Variants in CA10 observed in about 807,000 individuals in gnomAD.
CA10 encodes the protein carbonic anhydrase 10 (inactive).
In CA10, 14 loss-of-function variants were observed where a neutral mutation model predicts 44.2. The observed-to-expected ratio is 0.32, with a 90% CI of 0.21 to 0.50. The LOEUF (loss-of-function observed/expected upper bound fraction) is 0.50. Ranked by LOEUF, CA10 falls within the 20% of genes least tolerant of loss-of-function variation. The probability of loss-of-function intolerance (pLI) is 0.99; values close to 1 mark genes in which losing one functional copy is unlikely to be tolerated. For missense variants in CA10, 350 were observed against 409.7 expected (o/e 0.85, Z 1.26); for synonymous variants, 159 against 141.6 (o/e 1.12, Z -0.87).
chr17:52,099,921 T>C (rs146434675), intron 1 of CA10, among the ~76,000 whole-genome samples: 12 of 152,320 alleles, frequency 7.9e-5, no homozygotes, highest in African/African-American at 2.2e-4. Context: ...CCTCTAGATT[T>C]GGCAATACAT....
chr17:52,050,306 T>C (rs922400866), intron 2 of CA10, among the ~76,000 whole-genome samples: 1 of 152,036 alleles, frequency 6.6e-6, no homozygotes, highest in Admixed American at 6.6e-5. Context: ...CTCCAAAACA[T>C]TTCCAGAGTC....
At chr17:51,887,881 T>G (rs1219370530) in intron 3 of CA10, among the ~76,000 whole-genome samples, 3 of 147,824 alleles carry the variant, frequency 2.0e-5, no homozygotes, top group Non-Finnish European at 4.5e-5. Flanking sequence ...AAAAAATTAG[T>G]CGGGTGTGGT....
At chr17:51,799,798 A>G (rs1906855703) in intron 3 of CA10, among the ~76,000 whole-genome samples, 1 of 152,230 alleles carries the variant, frequency 6.6e-6, no homozygotes, top group Admixed American at 6.5e-5. Flanking sequence ...AAAGCAAGTT[A>G]AACCCACAGT....
chr17:51,816,190 A>G (rs1419537057), intron 3 of CA10, among the ~76,000 whole-genome samples: 1 of 152,140 alleles, frequency 6.6e-6, no homozygotes, highest in Non-Finnish European at 1.5e-5. Flanking sequence ...TGCCTGACTT[A>G]TTTCACCTCA....
intron 4 of CA10, among the ~76,000 whole-genome samples, chr17:51,682,620 C>A (rs1452915800): frequency 6.6e-6 from 1 of 152,172 alleles, no homozygotes; most frequent in African/African-American, 2.4e-5. Flanking sequence ...TCTTAAGCGA[C>A]CATTTACTGC....
chr17:51,878,018 T>A (rs111860376), intron 3 of CA10, among the ~76,000 whole-genome samples: 3,089 of 150,658 alleles, frequency 0.021, 98 homozygotes, highest in African/African-American at 0.071. Flanking sequence ...GTGGCACACG[T>A]ATGTAGTCCC....
In CA10 at chr17:51,904,111, C is replaced by T. The variant is rs182092504; in HGVS notation, c.279+26879G>A. Among the ~76,000 whole-genome samples the T allele has an allele frequency of 4.0e-5, 6 of 151,300 alleles. No individual in the cohort carries two copies. In the East Asian group the frequency reaches 1.2e-3, roughly 29 times the overall value. ...ACCCTGTTTGCTCAGGATGGAGGGG[C>T]TTTCTAGGATGCAAGAATTTCAGTG... is the stretch of plus-strand genomic sequence containing the variant. On this transcript the variant is annotated intron_variant, in intron 3 of 8. Transcript: ENST00000451037.
At chr17:51,756,472 G>GTT (rs11452726) in intron 3 of CA10, among the ~76,000 whole-genome samples, 9,828 of 132,138 alleles carry the variant, frequency 0.074, 1,252 homozygotes, top group African/African-American at 0.26. Context: ...TGAGGTAGTT[G>GTT]TTTTTTTTTT....
intron 3 of CA10, among the ~76,000 whole-genome samples, chr17:51,909,301 A>G (rs1206165107): frequency 6.6e-6 from 1 of 151,984 alleles, no homozygotes; most frequent in Non-Finnish European, 1.5e-5. Flanking sequence ...GGGGGAGCTC[A>G]GAGTTCTTTG....
chr17:52,040,578 T>C (rs867847445), intron 2 of CA10, among the ~76,000 whole-genome samples: 2 of 152,066 alleles, frequency 1.3e-5, no homozygotes, highest in Non-Finnish European at 2.9e-5. Flanking sequence ...GACAGCAGGC[T>C]ATGCAGGACA....
At chr17:52,064,097 C>T (rs1472052491) in intron 2 of CA10, among the ~76,000 whole-genome samples, 1 of 152,180 alleles carries the variant, frequency 6.6e-6, no homozygotes, top group Non-Finnish European at 1.5e-5. Context: ...AAGTAAGGCA[C>T]TTTCCTGCCA....
intron 3 of CA10, among the ~76,000 whole-genome samples, chr17:51,768,888 AG>A (rs1468588547): frequency 2.6e-5 from 4 of 152,332 alleles, no homozygotes; most frequent in Middle Eastern, 3.4e-3. Flanking sequence ...TCTCGTTTTC[AG>A]AAAGGAAAGG....
intron 2 of CA10, among the ~76,000 whole-genome samples, chr17:52,001,047 C>A (rs1253458309): frequency 6.6e-6 from 1 of 151,258 alleles, no homozygotes; most frequent in Non-Finnish European, 1.5e-5. Flanking sequence ...ATGTACTGAG[C>A]ACTCTTTTTG....
intron 2 of CA10, among the ~76,000 whole-genome samples, chr17:52,066,026 C>T (rs1043648116): frequency 2.0e-5 from 3 of 152,154 alleles, no homozygotes; most frequent in African/African-American, 4.8e-5. Flanking sequence ...TCTTCCAACA[C>T]GATTGTAAGT....
intron 3 of CA10, among the ~76,000 whole-genome samples, chr17:51,908,451 G>T (rs1217758781): frequency 6.6e-6 from 1 of 152,090 alleles, no homozygotes; most frequent in Non-Finnish European, 1.5e-5. Flanking sequence ...CTTTTCTTCT[G>T]CCCTGGTATG....
chr17:51,899,430 CAT>C (rs1284772622), intron 3 of CA10, among the ~76,000 whole-genome samples: 19 of 151,966 alleles, frequency 1.3e-4, no homozygotes, highest in African/African-American at 3.9e-4. Flanking sequence ...TGGTTGGTAA[CAT>C]ATATTTTTTT....
At chr17:51,944,476 T>C (rs190022536) in intron 2 of CA10, among the ~76,000 whole-genome samples, 2 of 152,210 alleles carry the variant, frequency 1.3e-5, no homozygotes, top group East Asian at 3.9e-4. Flanking sequence ...CCAAAAATGA[T>C]TTGTGCACAA....
chr17:52,053,606 A>C (rs768192147), intron 2 of CA10, among the ~76,000 whole-genome samples: 1 of 152,128 alleles, frequency 6.6e-6, no homozygotes. Flanking sequence ...CTGAAAGCCA[A>C]AGAAGAAATA....
intron 3 of CA10, among the ~76,000 whole-genome samples, chr17:51,862,792 C>G (rs756220160): frequency 6.6e-6 from 1 of 150,838 alleles, no homozygotes; most frequent in Admixed American, 6.6e-5. Context: ...GTGTATGGGG[C>G]GGGGACGGGG....
Sources: allele counts gnomAD v4.1 joint callset (sites outside exome capture counted in the v4.1 genomes callset), GRCh38; gene constraint gnomAD v4.1.1; transcripts MANE v1.5; gene names NCBI Gene and HGNC (gene_info 2026-07-23, HGNC 2026-07-21).